Variants in ASXL3 observed in about 807,000 individuals in gnomAD.
ASXL3 encodes the protein putative Polycomb group protein ASXL3.
ASXL3 carries 34 observed loss-of-function variants against 170.6 expected under a neutral mutation model. The ratio of observed to expected loss-of-function variants is 0.20; its 90% confidence interval spans 0.15 to 0.27. ASXL3 has a LOEUF of 0.27. ASXL3 is among the 10% of genes least tolerant of loss of function. The probability of loss-of-function intolerance (pLI) is 1.00; values close to 1 mark genes in which losing one functional copy is unlikely to be tolerated. For synonymous variants in ASXL3, 1,002 were observed against 989.1 expected, an observed-to-expected ratio of 1.01 and a Z score of -0.24; for missense variants, 2,592 against 2,695.3, an observed-to-expected ratio of 0.96 and a Z score of 0.85.
chr18:33,618,902 C>T (rs1285685420), intron 2 of ASXL3, among the ~76,000 whole-genome samples: 1 of 152,112 alleles, frequency 6.6e-6, no homozygotes, highest in Non-Finnish European at 1.5e-5. Context: ...GAAAGGAACT[C>T]ATACCTTTGT....
At chr18:33,687,312 C>A (rs913812332) in intron 8 of ASXL3, among the ~76,000 whole-genome samples, 6 of 151,922 alleles carry the variant, frequency 3.9e-5, no homozygotes, top group Non-Finnish European at 7.4e-5. Flanking sequence ...TGCAAATGTC[C>A]AAATGAAGAT....
intron 10 of ASXL3, among the ~76,000 whole-genome samples, chr18:33,734,846 G>T (rs1366515382): frequency 6.6e-6 from 1 of 151,954 alleles, no homozygotes; most frequent in African/African-American, 2.4e-5. Context: ...CCTTCTTTTG[G>T]GGAGAGCCTG....
intron 4 of ASXL3, among the ~76,000 whole-genome samples, chr18:33,652,650 C>A (rs1351968560): frequency 1.4e-5 from 2 of 147,292 alleles, no homozygotes; most frequent in Admixed American, 6.9e-5. Flanking sequence ...CCTTAGATCC[C>A]AGGGCAAATA....
chr18:33,668,292 G>A (rs2066289444), intron 5 of ASXL3, among the ~76,000 whole-genome samples: 1 of 151,996 alleles, frequency 6.6e-6, no homozygotes, highest in Admixed American at 6.6e-5. Context: ...GCCAGGGGTG[G>A]TGGTGCACAC....
At chr18:33,620,525 C>CT (rs1277960340) in intron 2 of ASXL3, among the ~76,000 whole-genome samples, 4 of 152,118 alleles carry the variant, frequency 2.6e-5, no homozygotes, top group African/African-American at 9.7e-5. Context: ...GTTTTTACGG[C>CT]TTACTCTGTT....
At position 33,738,914 on chromosome 18, in the gene ASXL3, A is replaced by G. The variant is rs771303067; in HGVS notation, c.1510A>G (p.Met504Val). The G allele has an allele frequency of 3.1e-6, 5 of 1,613,640 alleles. No individual in the cohort carries two copies. The South Asian group carries it at 5.5e-5, about 18-fold the overall frequency. ...TGAAGATAACTTGGAATCCTGTGTT[A>G]TGATGAATGATGTTTTAGAAACTTT... ...PPEDNLESCV[M>V]MNDVLETLPH... is the part of the protein sequence containing the mutation. Residue 504 changes from methionine (M) to valine (V), a missense_variant, in exon 11 of 12, where the codon ATG becomes GTG. Physicochemically the swap from Met to Val is conservative, Grantham distance 21. Around this residue, in one of 4 missense-constraint regions of ASXL3, gnomAD observed 2,246 missense variants for 2,219.6 expected, o/e 1.01. Transcript: ENST00000269197.
At position 33,748,829 on chromosome 18, in the gene ASXL3, T is replaced by C. The variant is rs542411292; in HGVS notation, c.*2234T>C. The C allele has an allele frequency of 1.3e-5, 2 of 152,228 alleles. No individual in the cohort carries two copies. The highest frequency in any genetic ancestry group is 2.9e-5 in the Non-Finnish European group (2 of 68,058). The allele number at this position is 152,228 out of a possible 1,614,324, so 9.4% of individuals were successfully genotyped here. On this transcript the variant is annotated 3_prime_UTR_variant, in exon 12 of 12. Transcript: ENST00000269197. ...ACCATCACATCAGTAACTGACATGG[T>C]GTCGGAAGAAACTCCAGTCTACAGA...
intron 4 of ASXL3, 136 bp from the exon 5 acceptor site, chr18:33,661,480 C>T: frequency 1.4e-6 from 1 of 735,352 alleles, no homozygotes; most frequent in Admixed American, 3.1e-5. Flanking sequence ...TATGTAGATA[C>T]TATTCTTTTT....
intron 2 of ASXL3, among the ~76,000 whole-genome samples, chr18:33,640,078 G>C (rs911356412): frequency 6.6e-6 from 1 of 151,936 alleles, no homozygotes; most frequent in Non-Finnish European, 1.5e-5. Context: ...TCCCATTTAT[G>C]TTTATATTTT....
At chr18:33,599,319 A>G (rs546913222) in intron 1 of ASXL3, among the ~76,000 whole-genome samples, 55 of 152,304 alleles carry the variant, frequency 3.6e-4, no homozygotes, top group Non-Finnish European at 6.5e-4. Flanking sequence ...AAACTCATTC[A>G]TAAGTGATGG....
In ASXL3 at chr18:33,639,733, T is replaced by C. The variant is rs1370364893; in HGVS notation, c.138-5161T>C. 3.3e-5 allele frequency among the ~76,000 whole-genome samples: 5 copies of C among 152,276 alleles called. No homozygotes were observed. In the East Asian group the frequency reaches 7.7e-4, roughly 24 times the overall value. ...GCTGTACGAATCGCTATAGTCTATC[T>C]AATGATATCTTGGTAGTTTTTAATA... On this transcript the variant is annotated intron_variant, in intron 2 of 11. Transcript: ENST00000269197.
At chr18:33,683,272 G>T (rs901521493) in intron 7 of ASXL3, 133 bp from the exon 8 acceptor site, 4 of 701,986 alleles carry the variant, frequency 5.7e-6, no homozygotes, top group Non-Finnish European at 6.3e-6. Flanking sequence ...AATACCATTT[G>T]TAAAAGGGGT....
At chr18:33,676,044 G>A (rs2066422201) in intron 7 of ASXL3, among the ~76,000 whole-genome samples, 2 of 151,598 alleles carry the variant, frequency 1.3e-5, no homozygotes, top group Admixed American at 6.6e-5. Context: ...CTAACACAGT[G>A]AAACCCCGTC....
chr18:33,709,316 A>G (rs2067017244), intron 8 of ASXL3, among the ~76,000 whole-genome samples: 1 of 150,748 alleles, frequency 6.6e-6, no homozygotes, highest in Non-Finnish European at 1.5e-5. Context: ...AAAAAAAAAC[A>G]ACAAAAACAT....
chr18:33,617,837 C>T (rs1167355424), intron 2 of ASXL3, among the ~76,000 whole-genome samples: 1 of 152,124 alleles, frequency 6.6e-6, no homozygotes, highest in Admixed American at 6.6e-5. Context: ...TGTAAAATTA[C>T]ATTGTGTGTG....
intron 2 of ASXL3, among the ~76,000 whole-genome samples, chr18:33,628,063 G>A (rs1483775343): frequency 6.6e-6 from 1 of 152,100 alleles, no homozygotes; most frequent in Non-Finnish European, 1.5e-5. Flanking sequence ...TAACATTTAT[G>A]TAGTAACTGA....
rs1386988826 is a variant in ASXL3 at position 33,727,274 on chromosome 18, C to T, written c.880-4694C>T. ...CAGTTAGAATCACTTGTAAGAAACA[C>T]AAAATAAGAAAAAAGTGGTTTAGAA... is the stretch of plus-strand genomic sequence containing the variant. On this transcript the variant is annotated intron_variant, in intron 8 of 11. Coordinates refer to ENST00000269197, the MANE Select transcript of ASXL3 (RefSeq NM_030632.3). Among the ~76,000 whole-genome samples, 4 of 151,694 alleles carry T rather than the reference C, an allele frequency of 2.6e-5. No individual in the cohort carries two copies. The East Asian group carries it at 7.8e-4, about 29-fold the overall frequency.
intron 4 of ASXL3, among the ~76,000 whole-genome samples, chr18:33,657,079 A>G (rs2066095994): frequency 6.6e-6 from 1 of 152,128 alleles, no homozygotes; most frequent in Admixed American, 6.6e-5. Context: ...CCAGAATTGC[A>G]GGGACTGTCA....
chr18:33,641,001 A>C (rs575106155), intron 2 of ASXL3, among the ~76,000 whole-genome samples: 1 of 152,048 alleles, frequency 6.6e-6, no homozygotes, highest in African/African-American at 2.4e-5. Context: ...TATATGTATT[A>C]CTGAAATATT....
Sources: gnomAD v4.1 joint callset for allele counts (sites outside exome capture counted in the v4.1 genomes callset) on GRCh38, gnomAD v4.1.1 for gene constraint, gnomAD v4.1.1 regional missense constraint, MANE v1.5 for transcripts, NCBI Gene and HGNC (gene_info 2026-07-23, HGNC 2026-07-21) for gene names.